The following CFHR1 variants were observed in gnomAD, a reference collection of about 807,000 sequenced individuals.
CFHR1 encodes complement factor H-related protein 1.
Under a neutral mutation model 30.4 loss-of-function variants are expected in CFHR1, and 22 were observed. The ratio of observed to expected loss-of-function variants is 0.72; its 90% CI spans 0.52 to 1.03. The LOEUF (loss-of-function observed/expected upper bound fraction) is 1.03, where lower values mean the gene tolerates loss of function less well. Ranked by LOEUF, CFHR1 falls within the 50% of genes least tolerant of loss-of-function variation. The pLI is 0.00. For missense variants in CFHR1, 248 were observed against 380.6 expected, an observed-to-expected ratio of 0.65 and a Z score of 2.90; for synonymous variants, 95 against 129.1, an observed-to-expected ratio of 0.74 and a Z score of 1.79.
rs1451217191 is a variant in CFHR1 at position 196,823,264 on chromosome 1, A to G, written c.59-2213A>G. 1.5e-5 allele frequency among the ~76,000 whole-genome samples: 2 copies of G among 135,432 alleles called. 1 individual carries two copies. Among genetic ancestry groups the G allele is most frequent in the African/African-American group, 6.3e-5 (2 of 31,734 alleles). The allele number at this position is 135,432 out of a possible 152,430, so 88.8% of individuals were successfully genotyped here. A position where few individuals can be genotyped will look rare whatever the true frequency, so the allele number is the denominator to read the frequency against. ...GACATTAACACTCCTAGCTAGCACC[A>G]TTGCAGATATGCACAATGAATACTT... On this transcript the variant is annotated intron_variant, in intron 1 of 5. Coordinates refer to ENST00000320493, the MANE Select transcript of CFHR1 (RefSeq NM_002113.3).
chr1:196,829,184 C>G (rs1655452471), intron 4 of CFHR1, among the ~76,000 whole-genome samples: 1 of 134,240 alleles, frequency 7.4e-6, no homozygotes, highest in Non-Finnish European at 1.6e-5. Flanking sequence ...ATATTACTGT[C>G]TACTGGCACT....
chr1:196,820,901 G>C (rs1421707534), intron 1 of CFHR1: 8 of 133,222 alleles, frequency 6.0e-5, no homozygotes, highest in Non-Finnish European at 1.2e-4. Context: ...GTGCAATGGT[G>C]TGATTTCGGC....
At chr1:196,831,172 T>G (rs1172109718) in intron 5 of CFHR1, among the ~76,000 whole-genome samples, 1 of 136,320 alleles carries the variant, frequency 7.3e-6, no homozygotes, top group Admixed American at 7.0e-5. Flanking sequence ...TCTTTATATT[T>G]ATATTTTATT....
intron 5 of CFHR1, among the ~76,000 whole-genome samples, chr1:196,831,241 G>T (rs1655547963): frequency 7.4e-6 from 1 of 135,888 alleles, no homozygotes; most frequent in African/African-American, 3.1e-5. Context: ...ATGCTGTTTT[G>T]ATATATTTAT....
intron 4 of CFHR1, 144 bp downstream of exon 4, chr1:196,828,390 C>T (rs1655420040): frequency 4.0e-6 from 3 of 749,236 alleles, no homozygotes; most frequent in East Asian, 2.8e-5. Flanking sequence ...TCAATTCTTC[C>T]TGTGAACAGA....
chr1:196,823,297 G>T (rs1175654177), intron 1 of CFHR1, among the ~76,000 whole-genome samples: 1 of 135,288 alleles, frequency 7.4e-6, no homozygotes, highest in African/African-American at 3.2e-5. Flanking sequence ...CTTGATGAAT[G>T]TCATAGAATT....
chr1:196,825,189 A>T (rs1655275851), intron 1 of CFHR1: 2 of 283,332 alleles, frequency 7.1e-6, no homozygotes, highest in Admixed American at 9.8e-5. Flanking sequence ...TTCATTCTTA[A>T]ATTGTTGTGT....
rs1376893478 is a variant in CFHR1, at chr1:196,822,214, TTTTA to T, written c.58+2325_58+2328del. ...TGTATACTTAGGCTAAACTAATTTA[TTTTA>T]TTTATTTATTTACTTGAATAGTTTT... is the stretch of plus-strand genomic sequence containing the variant. On this transcript the variant is annotated intron_variant, in intron 1 of 5. Coordinates refer to ENST00000320493, the MANE Select transcript of CFHR1 (RefSeq NM_002113.3). 1.8e-5 allele frequency among the ~76,000 whole-genome samples: 2 copies of T among 111,834 alleles called. 1 individual carries two copies. The highest frequency in any genetic ancestry group is 3.5e-5 in the Non-Finnish European group (2 of 56,604). 73.4% of individuals were successfully genotyped at this position (111,834 alleles called of 152,430 possible).
chr1:196,825,432 A>T, intron 1 of CFHR1, 45 bp from the exon 2 acceptor site: 1 of 1,246,576 alleles, frequency 8.0e-7, no homozygotes. Context: ...TGATTTATTT[A>T]TGTAACTTAT....
rs1655367269 is a variant in CFHR1 at position 196,827,310 on chromosome 1, C to T, written c.430+305C>T. On this transcript the variant is annotated intron_variant, in intron 3 of 5. Transcript: ENST00000320493. ...CGGAATCAAAAATGTCGAAATAGAA[C>T]CCTGAATCTGTTTTACCAACCCCTC... Among the ~76,000 whole-genome samples the T allele has an allele frequency of 3.0e-5, 4 of 134,896 alleles. No homozygotes were observed. The South Asian group carries it at 1.0e-3, about 35-fold the overall frequency. 88.5% of individuals were successfully genotyped at this position (134,896 alleles called of 152,430 possible).
At position 196,828,085 on chromosome 1, in the gene CFHR1, A is replaced by T. The variant is rs751277789; in HGVS notation, c.446A>T (p.Asn149Ile). Reference protein sequence around the residue: ...KCRSTDTSCVNPPTVQNAHIL... With the variant: ...KCRSTDTSCVIPPTVQNAHIL... ...TTCTACTCAGACACTTCCTGTGTGA[A>T]TCCGCCCACAGTACAAAATGCTCAT... is the stretch of plus-strand genomic sequence containing the variant. The change falls in exon 4 of 6, where the codon AAT (asparagine) becomes ATT (isoleucine). Residue 149 changes from asparagine (N) to isoleucine (I), a missense_variant. Coordinates refer to ENST00000320493, the MANE Select transcript of CFHR1 (RefSeq NM_002113.3). 5 of 1,481,496 alleles carry T rather than the reference A, an allele frequency of 3.4e-6. 2 individuals carry two copies. The highest frequency in any genetic ancestry group is 4.0e-5 in the African/African-American group (2 of 50,422). 91.8% of individuals were successfully genotyped at this position (1,481,496 alleles called of 1,614,324 possible). A position where few individuals can be genotyped will look rare whatever the true frequency, so the allele number is the denominator to read the frequency against.
At chr1:196,824,969 C>A in intron 1 of CFHR1, among the ~76,000 whole-genome samples, 1 of 127,280 alleles carries the variant, frequency 7.9e-6, no homozygotes, top group African/African-American at 3.5e-5. Flanking sequence ...AGAAAATATT[C>A]AAAATGATAT....
rs1378957171 is a variant in CFHR1 at position 196,820,610 on chromosome 1, A to G, written c.58+708A>G. 4.6e-4 allele frequency among the ~76,000 whole-genome samples: 58 copies of G among 125,538 alleles called. 17 individuals carry two copies. Among genetic ancestry groups the G allele is most frequent in the African/African-American group, 1.9e-3 (55 of 28,602 alleles). 82.4% of individuals were successfully genotyped at this position (125,538 alleles called of 152,430 possible). On this transcript the variant is annotated intron_variant, in intron 1 of 5. Coordinates refer to ENST00000320493, the MANE Select transcript of CFHR1 (RefSeq NM_002113.3). Reference sequence around the variant, plus strand: ...CAAAATCTCTACCAAGGTCTAGGATACTAATTAAACTATGTCTGTACATGG... The same window carrying G: ...CAAAATCTCTACCAAGGTCTAGGATGCTAATTAAACTATGTCTGTACATGG...
Position 196,830,924 on chromosome 1 carries a change from G to A in CFHR1, c.790+242G>A, listed in dbSNP as rs1268052207. Among the ~76,000 whole-genome samples the A allele has an allele frequency of 2.2e-5, 3 of 133,876 alleles. 1 individual carries two copies. Among genetic ancestry groups the A allele is most frequent in the African/African-American group, 3.2e-5 (1 of 31,062 alleles). 87.8% of individuals were successfully genotyped at this position (133,876 alleles called of 152,430 possible). On this transcript the variant is annotated intron_variant, in intron 5 of 5. Transcript: ENST00000320493. ...GGGCAGATCACGAGGTCAGGAGATT[G>A]AGACCATCCTGGCTAACATGGTGAA...
At position 196,823,465 on chromosome 1, in the gene CFHR1, C is replaced by T. The variant is rs182161464; in HGVS notation, c.59-2012C>T. Among the ~76,000 whole-genome samples the T allele has an allele frequency of 1.4e-3, 182 of 134,658 alleles. 29 individuals are homozygous for T. The highest frequency in any genetic ancestry group is 1.6e-3 in the African/African-American group (51 of 31,426). The allele number at this position is 134,658 out of a possible 152,430, so 88.3% of individuals were successfully genotyped here. ...TTATGGTAGGTTAATACTATCAAGACGGGAGTCTTTCCCTCAACACCTTTA... is the reference window on the plus strand; with the variant it reads ...TTATGGTAGGTTAATACTATCAAGATGGGAGTCTTTCCCTCAACACCTTTA... On this transcript the variant is annotated intron_variant, in intron 1 of 5. Transcript: ENST00000320493.
chr1:196,831,696 T>C lies in CFHR1; in HGVS notation c.791-101T>C, dbSNP rs1314654339. On this transcript the variant is annotated intron_variant, in intron 5 of 5. Coordinates refer to ENST00000320493, the MANE Select transcript of CFHR1 (RefSeq NM_002113.3). ...TCGGTTTGGACAGTGTTTTGAGAAATAATTCCTGAACCATCATATAACATT... is the reference window on the plus strand; with the variant it reads ...TCGGTTTGGACAGTGTTTTGAGAAACAATTCCTGAACCATCATATAACATT... 10 of 1,342,936 alleles carry C rather than the reference T, an allele frequency of 7.4e-6. No individual in the cohort carries two copies. In the East Asian group the frequency reaches 2.4e-4, roughly 32 times the overall value. 83.2% of individuals were successfully genotyped at this position (1,342,936 alleles called of 1,614,324 possible).
Position 196,830,502 on chromosome 1 carries a change from T to G in CFHR1, c.610T>G (p.Ser204Ala), listed in dbSNP as rs755803358. The G allele has an allele frequency of 6.6e-7, 1 of 1,525,520 alleles. No homozygotes were observed. The highest frequency in any genetic ancestry group is 1.7e-5 in the Admixed American group (1 of 57,994). The allele number at this position is 1,525,520 out of a possible 1,614,324, so 94.5% of individuals were successfully genotyped here. A position where few individuals can be genotyped will look rare whatever the true frequency, so the allele number is the denominator to read the frequency against. ...AGTGATGAAATGATGTTTTTTAGAT[T>G]CTACGGGAAAATGTGGGCCCCCTCC... ...NWTEPPQCKD[S>A]TGKCGPPPPI... Residue 204 changes from serine (S) to alanine (A), a missense_variant and splice_region_variant, in exon 5 of 6, where the codon TCT (serine) becomes GCT (alanine). Transcript: ENST00000320493.
Position 196,831,919 on chromosome 1 carries a change from C to A in CFHR1, c.913C>A (p.Arg305Ser). Residue 305 changes from arginine to serine, a missense_variant, in exon 6 of 6, where the codon CGT becomes AGT. Arg to Ser is a moderately radical substitution (Grantham distance 110). Around this residue, in one of 3 missense-constraint regions of CFHR1, gnomAD observed 112 missense variants for 156.4 expected, o/e 0.72. Transcript: ENST00000320493. ...SAEFVCKRGY[R>S]LSSRSHTLRT... ...TGAATTTGTGTGTAAACGGGGATAT[C>A]GTCTTTCATCACGTTCTCACACATT... The A allele has an allele frequency of 6.6e-7, 1 of 1,525,280 alleles. No homozygotes were observed. Among genetic ancestry groups the A allele is most frequent in the Non-Finnish European group, 8.9e-7 (1 of 1,129,198 alleles). 94.5% of individuals were successfully genotyped at this position (1,525,280 alleles called of 1,614,324 possible).
chr1:196,825,552 T>A lies in CFHR1; in HGVS notation c.134T>A (p.Val45Asp), dbSNP rs1180825338. The change falls in exon 2 of 6, where the codon GTT becomes GAT. Residue 45 changes from valine to aspartate, a missense_variant. Coordinates refer to ENST00000320493, the MANE Select transcript of CFHR1 (RefSeq NM_002113.3). Reference sequence around the variant, plus strand: ...GAAAAATATAAGCCATTTTCCCAGGTTCCTACAGGGGAAGTTTTCTATTAC... The same window carrying A: ...GAAAAATATAAGCCATTTTCCCAGGATCCTACAGGGGAAGTTTTCTATTAC... ...DEEKYKPFSQVPTGEVFYYSC... is the reference protein window; with the variant it reads ...DEEKYKPFSQDPTGEVFYYSC... 6.6e-7 allele frequency: 1 copy of A among 1,522,562 alleles called. No individual in the cohort carries two copies. The highest frequency in any genetic ancestry group is 8.9e-7 in the Non-Finnish European group (1 of 1,126,938). 94.3% of individuals were successfully genotyped at this position (1,522,562 alleles called of 1,614,324 possible).
Sources: allele counts gnomAD v4.1 joint callset (sites outside exome capture counted in the v4.1 genomes callset), GRCh38; gene constraint gnomAD v4.1.1; regional missense constraint gnomAD v4.1.1; transcripts MANE v1.5; gene names NCBI Gene and HGNC (gene_info 2026-07-23, HGNC 2026-07-21).